FILIP1L: variants seen among roughly 807,000 people sequenced by gnomAD.
The protein encoded by FILIP1L is filamin A-interacting protein 1-like.
Under a neutral mutation model 96.6 loss-of-function variants are expected in FILIP1L, and 55 were observed. That is an observed-to-expected ratio of 0.57 (90% CI 0.46 to 0.71). The LOEUF (loss-of-function observed/expected upper bound fraction) is 0.71. FILIP1L is among the 30% of genes least tolerant of loss of function. The pLI, the probability that FILIP1L is intolerant of heterozygous loss-of-function variation, is 0.00. For synonymous variants in FILIP1L, 467 were observed against 473.9 expected (o/e 0.99, Z 0.19); for missense variants, 1,304 against 1,321.2 (o/e 0.99, Z 0.20).
chr3:99,885,672 T>C (rs1271201592), intron 4 of FILIP1L, among the ~76,000 whole-genome samples: 4 of 152,232 alleles, frequency 2.6e-5, no homozygotes, highest in African/African-American at 7.2e-5. Context: ...TTTGTCTATA[T>C]ATCTCTGTCA....
chr3:99,913,327 A>G (rs1706851711), intron 4 of FILIP1L, among the ~76,000 whole-genome samples: 1 of 152,226 alleles, frequency 6.6e-6, no homozygotes, highest in Admixed American at 6.5e-5. Flanking sequence ...ACAGCAGCAT[A>G]TGAGGGTTCC....
At chr3:99,939,063 G>A (rs1028546308) in intron 1 of FILIP1L, among the ~76,000 whole-genome samples, 1 of 152,082 alleles carries the variant, frequency 6.6e-6, no homozygotes, top group African/African-American at 2.4e-5. Context: ...TTTAGACAAG[G>A]GATTGGAAAG....
At chr3:99,908,576 C>CT (rs886802800) in intron 4 of FILIP1L, among the ~76,000 whole-genome samples, 1 of 152,118 alleles carries the variant, frequency 6.6e-6, no homozygotes, top group African/African-American at 2.4e-5. Context: ...TCCTTGAGGC[C>CT]TAATTCTCCT....
At chr3:100,071,239 A>T (rs2065758538) in intron 1 of FILIP1L, among the ~76,000 whole-genome samples, 1 of 151,926 alleles carries the variant, frequency 6.6e-6, no homozygotes, top group African/African-American at 2.4e-5. Context: ...ATTTTCTCTT[A>T]CTCACTTCAT....
intron 5 of FILIP1L, among the ~76,000 whole-genome samples, chr3:99,845,411 A>C (rs1943318978): frequency 6.6e-6 from 1 of 152,220 alleles, no homozygotes; most frequent in Non-Finnish European, 1.5e-5. Flanking sequence ...AAAGAATGGT[A>C]TGAGTTTTTC....
chr3:99,896,882 A>G (rs1203836847), intron 4 of FILIP1L, among the ~76,000 whole-genome samples: 2 of 152,228 alleles, frequency 1.3e-5, no homozygotes, highest in Non-Finnish European at 2.9e-5. Flanking sequence ...AAATCAGTGT[A>G]TACAACGGGT....
intron 1 of FILIP1L, among the ~76,000 whole-genome samples, chr3:100,050,819 C>T (rs1048431940): frequency 6.6e-6 from 1 of 152,150 alleles, no homozygotes. Context: ...CATGAACCAC[C>T]GCACCCAGCC....
intron 1 of FILIP1L, among the ~76,000 whole-genome samples, chr3:100,062,571 A>G (rs1163903788): frequency 1.3e-5 from 2 of 152,098 alleles, no homozygotes; most frequent in African/African-American, 2.4e-5. Context: ...GTTTTTTCCA[A>G]GAGATTTGTG....
chr3:99,921,097 C>T (rs147815906), intron 4 of FILIP1L, among the ~76,000 whole-genome samples: 1 of 152,248 alleles, frequency 6.6e-6, no homozygotes, highest in East Asian at 1.9e-4. Context: ...AGGAAGTAAA[C>T]ATTGTTCTTT....
chr3:99,968,171 T>C (rs1289372572), intron 1 of FILIP1L, among the ~76,000 whole-genome samples: 1 of 152,150 alleles, frequency 6.6e-6, no homozygotes, highest in Non-Finnish European at 1.5e-5. Flanking sequence ...ATGAGACTTC[T>C]CCTAAAGTCT....
intron 1 of FILIP1L, among the ~76,000 whole-genome samples, chr3:100,044,047 A>T (rs2065244108): frequency 6.6e-6 from 1 of 152,194 alleles, no homozygotes; most frequent in Non-Finnish European, 1.5e-5. Context: ...CTAGTAGTTC[A>T]TTGGGTGTAT....
intron 1 of FILIP1L, among the ~76,000 whole-genome samples, chr3:100,005,549 T>C (rs2107178513): frequency 6.6e-6 from 1 of 152,332 alleles, no homozygotes; most frequent in East Asian, 1.9e-4. Flanking sequence ...GTGAGTGTAG[T>C]GTAATAAACC....
At chr3:99,897,614 A>G (rs1405484051) in intron 4 of FILIP1L, among the ~76,000 whole-genome samples, 8 of 152,206 alleles carry the variant, frequency 5.3e-5, no homozygotes, top group African/African-American at 1.9e-4. Flanking sequence ...GTGCTGGGGT[A>G]TCGTGTATTT....
intron 1 of FILIP1L, among the ~76,000 whole-genome samples, chr3:100,092,908 A>G (rs138697827): frequency 1.9e-4 from 29 of 151,884 alleles, no homozygotes; most frequent in Middle Eastern, 3.4e-3. Flanking sequence ...GTCAAATTCT[A>G]TTCAGTTTAG....
At chr3:100,062,346 C>T (rs1380760757) in intron 1 of FILIP1L, among the ~76,000 whole-genome samples, 2 of 151,870 alleles carry the variant, frequency 1.3e-5, no homozygotes, top group South Asian at 2.1e-4. Flanking sequence ...CTCCTGACCT[C>T]GCGATCCACC....
At chr3:99,876,287 G>C in intron 4 of FILIP1L, 1 of 868,826 alleles carries the variant, frequency 1.2e-6, no homozygotes, top group Non-Finnish European at 1.4e-6. Flanking sequence ...CGGGACCCTC[G>C]GCCGCGGCGG....
intron 4 of FILIP1L, among the ~76,000 whole-genome samples, chr3:99,880,825 T>A (rs1196831968): frequency 6.6e-6 from 1 of 152,210 alleles, no homozygotes; most frequent in East Asian, 1.9e-4. Flanking sequence ...TCTTTTAGTC[T>A]TTTTCTAAGC....
chr3:100,087,214 G>A (rs1369666546), intron 1 of FILIP1L, among the ~76,000 whole-genome samples: 1 of 152,214 alleles, frequency 6.6e-6, no homozygotes, highest in Non-Finnish European at 1.5e-5. Context: ...GTTTCTCTAG[G>A]AGTGGAATTA....
At chr3:99,864,922 G>A (rs774256512) in intron 4 of FILIP1L, among the ~76,000 whole-genome samples, 1 of 152,030 alleles carries the variant, frequency 6.6e-6, no homozygotes, top group African/African-American at 2.4e-5. Flanking sequence ...GCGCACACAC[G>A]CATCTCATTC....
Sources: allele counts gnomAD v4.1 joint callset (sites outside exome capture counted in the v4.1 genomes callset), GRCh38; gene constraint gnomAD v4.1.1; transcripts MANE v1.5; gene names NCBI Gene and HGNC (gene_info 2026-07-23, HGNC 2026-07-21).